Variants in LARGE1 observed in about 807,000 individuals in gnomAD.
The protein encoded by LARGE1 is xylosyl- and glucuronyltransferase LARGE1.
Under a neutral mutation model 87.6 loss-of-function variants are expected in LARGE1, and 43 were observed. That is an observed-to-expected ratio of 0.49 (90% CI 0.38 to 0.63). The LOEUF (loss-of-function observed/expected upper bound fraction) is 0.63, where lower values mean the gene tolerates loss of function less well. Among genes scored for constraint, LARGE1 ranks in the 30% least tolerant of loss-of-function variants. The pLI, the probability that LARGE1 is intolerant of heterozygous loss-of-function variation, is 0.00. For synonymous variants in LARGE1, 434 were observed against 394.6 expected, an observed-to-expected ratio of 1.10 and a Z score of -1.18; for missense variants, 802 against 1,000.2, an observed-to-expected ratio of 0.80 and a Z score of 2.67.
chr22:33,312,209 C>A (rs1430728129), intron 11 of LARGE1, among the ~76,000 whole-genome samples: 1 of 151,936 alleles, frequency 6.6e-6, no homozygotes, highest in African/African-American at 2.4e-5. Flanking sequence ...TTTGGGAGGC[C>A]AAGGTGGGCA....
intron 11 of LARGE1, among the ~76,000 whole-genome samples, chr22:33,250,256 C>T (rs545821616): frequency 1.3e-5 from 2 of 151,998 alleles, no homozygotes; most frequent in East Asian, 3.9e-4. Flanking sequence ...AGATTTTTAC[C>T]TAAGTATTTC....
At chr22:33,789,886 C>T (rs2085768299) in intron 1 of LARGE1, among the ~76,000 whole-genome samples, 1 of 152,174 alleles carries the variant, frequency 6.6e-6, no homozygotes, top group Admixed American at 6.5e-5. Context: ...AGAGACTAGC[C>T]TTGTCTCAGA....
intron 5 of LARGE1, among the ~76,000 whole-genome samples, chr22:33,603,843 G>A (rs1200804720): frequency 6.6e-6 from 1 of 152,182 alleles, no homozygotes; most frequent in African/African-American, 2.4e-5. Context: ...GTAAGGGGAA[G>A]AGATGACCAA....
chr22:33,588,661 C>T (rs1257917386), intron 5 of LARGE1, among the ~76,000 whole-genome samples: 1 of 152,220 alleles, frequency 6.6e-6, no homozygotes, highest in Non-Finnish European at 1.5e-5. Context: ...AGGGGAATGG[C>T]TCTTGACCTT....
At chr22:33,752,487 C>T (rs1453781108) in intron 2 of LARGE1, among the ~76,000 whole-genome samples, 1 of 152,188 alleles carries the variant, frequency 6.6e-6, no homozygotes, top group Non-Finnish European at 1.5e-5. Flanking sequence ...CTTAACGCAT[C>T]ATCAGTTACT....
chr22:33,069,586 C>T, the LARGE1 span, among the ~76,000 whole-genome samples: 1 of 151,992 alleles, frequency 6.6e-6, no homozygotes, highest in Non-Finnish European at 1.5e-5. Context: ...AATAATTGAA[C>T]CTATTAGGTT....
intron 9 of LARGE1, among the ~76,000 whole-genome samples, chr22:33,378,846 T>A (rs749492923): frequency 6.6e-6 from 1 of 152,172 alleles, no homozygotes; most frequent in Non-Finnish European, 1.5e-5. Flanking sequence ...TTGCTGTAAA[T>A]CAAGGATTCC....
chr22:33,193,908 A>ATTATATATGTTATATATGTTTTATATG (rs1923927912), intron 11 of LARGE1, among the ~76,000 whole-genome samples: 1 of 146,566 alleles, frequency 6.8e-6, no homozygotes, highest in African/African-American at 2.5e-5. Context: ...TGTTTTATAT[A>ATTATATATGTTATATATGTTTTATATG]TTATATATGT....
chr22:33,795,556 C>T (rs767377979), intron 1 of LARGE1, among the ~76,000 whole-genome samples: 67 of 151,794 alleles, frequency 4.4e-4, no homozygotes, highest in Non-Finnish European at 1.9e-4. Context: ...AAGACACATG[C>T]GCACGTATGT....
intron 7 of LARGE1, among the ~76,000 whole-genome samples, chr22:33,417,375 C>A (rs1032355331): frequency 1.3e-5 from 2 of 152,184 alleles, no homozygotes; most frequent in Non-Finnish European, 2.9e-5. Flanking sequence ...GTTCCCTGCC[C>A]TCTGGGGAGA....
Position 33,450,447 on chromosome 22 carries a change from C to CAAA in LARGE1, c.788-18185_788-18183dup, listed in dbSNP as rs367922467. Among the ~76,000 whole-genome samples, 850 of 128,060 alleles carry CAAA rather than the reference C, an allele frequency of 6.6e-3. 3 individuals are homozygous for CAAA. The highest frequency in any genetic ancestry group is 0.011 in the Non-Finnish European group (621 of 59,106). The allele number at this position is 128,060 out of a possible 152,430, so 84.0% of individuals were successfully genotyped here. A position where few individuals can be genotyped will look rare whatever the true frequency, so the allele number is the denominator to read the frequency against. ...TGAAACCCCATCTCTACTAAAAATA[C>CAAA]AAAAAAAAAAAAAAAATTAGCCAGG... On this transcript the variant is annotated intron_variant, in intron 6 of 14. Transcript: ENST00000397394.
the LARGE1 span, among the ~76,000 whole-genome samples, chr22:33,112,330 A>G: frequency 1.3e-5 from 2 of 152,320 alleles, no homozygotes; most frequent in African/African-American, 4.8e-5. Context: ...GTTAAGTCTC[A>G]CATTTTTCCC....
chr22:33,532,591 T>TGTCA (rs1432831402), intron 6 of LARGE1, among the ~76,000 whole-genome samples: 1 of 152,238 alleles, frequency 6.6e-6, no homozygotes, highest in Non-Finnish European at 1.5e-5. Context: ...AGAGGCTGGC[T>TGTCA]GTCACCAACT....
intron 3 of LARGE1, among the ~76,000 whole-genome samples, chr22:33,638,607 A>G (rs1040515381): frequency 6.6e-6 from 1 of 152,252 alleles, no homozygotes; most frequent in Non-Finnish European, 1.5e-5. Context: ...TTCAAAGAAC[A>G]GGTTCTAGAA....
the LARGE1 span, among the ~76,000 whole-genome samples, chr22:33,096,131 C>A: frequency 1.3e-5 from 2 of 152,028 alleles, no homozygotes; most frequent in Non-Finnish European, 2.9e-5. Flanking sequence ...GAGATAATAC[C>A]CAGGCCAGGC....
chr22:33,640,552 C>T (rs907860565), intron 3 of LARGE1, among the ~76,000 whole-genome samples: 2 of 151,970 alleles, frequency 1.3e-5, no homozygotes, highest in Admixed American at 6.5e-5. Flanking sequence ...TTTTTTCATA[C>T]ACCAGTAGCA....
At chr22:33,346,783 A>G (rs147059514) in intron 9 of LARGE1, among the ~76,000 whole-genome samples, 1,752 of 152,308 alleles carry the variant, frequency 0.012, 20 homozygotes, top group Non-Finnish European at 0.016. Flanking sequence ...TGCCCCTGTG[A>G]ATGGATCATG....
chr22:33,580,224 G>C (rs2078476112), intron 5 of LARGE1, among the ~76,000 whole-genome samples: 3 of 152,170 alleles, frequency 2.0e-5, no homozygotes, highest in Middle Eastern at 3.4e-3. Flanking sequence ...TACAAAATTA[G>C]CCAGGCATGG....
intron 11 of LARGE1, among the ~76,000 whole-genome samples, chr22:33,306,474 T>A (rs1312923844): frequency 6.6e-6 from 1 of 152,166 alleles, no homozygotes; most frequent in African/African-American, 2.4e-5. Flanking sequence ...ATTCTCTCAC[T>A]GGCTTGGTTT....
Sources: gnomAD v4.1 joint callset for allele counts (sites outside exome capture counted in the v4.1 genomes callset) on GRCh38, gnomAD v4.1.1 for gene constraint, MANE v1.5 for transcripts, NCBI Gene and HGNC (gene_info 2026-07-23, HGNC 2026-07-21) for gene names.